The following RNF166 variants were observed in gnomAD, a reference collection of about 807,000 sequenced individuals.
RNF166 encodes the protein ring finger protein 166.
Under a neutral mutation model 29.4 loss-of-function variants are expected in RNF166, and 19 were observed. That is an observed-to-expected ratio of 0.65 (90% CI 0.45 to 0.95). The LOEUF (loss-of-function observed/expected upper bound fraction) is 0.95, where lower values mean the gene tolerates loss of function less well. RNF166 is among the 40% of genes least tolerant of loss of function. RNF166 has a pLI of 0.00. For missense variants in RNF166, 347 were observed against 322.1 expected, an observed-to-expected ratio of 1.08 and a Z score of -0.59; for synonymous variants, 171 against 134.5, an observed-to-expected ratio of 1.27 and a Z score of -1.88.
Position 88,696,867 on chromosome 16 carries a change from C to T in RNF166, c.*701G>A. Reference sequence around the variant, plus strand: ...TGGGTGGCCAGGGCAGACCCCACAGCAGACCCCATGGCTCGCCTGAGCTCT... The same window carrying T: ...TGGGTGGCCAGGGCAGACCCCACAGTAGACCCCATGGCTCGCCTGAGCTCT... On this transcript the variant is annotated 3_prime_UTR_variant, in exon 6 of 6. Transcript: ENST00000312838. 3.4e-6 allele frequency: 1 copy of T among 290,856 alleles called. No homozygotes were observed. The highest frequency in any genetic ancestry group is 6.6e-6 in the Non-Finnish European group (1 of 150,530). 18.0% of individuals were successfully genotyped at this position (290,856 alleles called of 1,614,324 possible).
intron 1 of RNF166, chr16:88,704,396 C>G (rs1168942024): frequency 1.0e-6 from 1 of 985,288 alleles, no homozygotes; most frequent in African/African-American, 1.7e-5. Flanking sequence ...GTCATTCTAC[C>G]AAGAAAAGCA....
intron 2 of RNF166, chr16:88,701,011 C>G (rs948519178): frequency 5.1e-6 from 7 of 1,368,750 alleles, no homozygotes; most frequent in Non-Finnish European, 6.6e-6. Flanking sequence ...GTTCCCCTGG[C>G]CCGGGCTAGG....
At chr16:88,704,275 G>C in intron 1 of RNF166, 1 of 985,476 alleles carries the variant, frequency 1.0e-6, no homozygotes, top group Non-Finnish European at 1.2e-6. Context: ...GAAGCAGAGA[G>C]AGAACAGCCA....
intron 1 of RNF166, chr16:88,702,802 C>T: frequency 2.0e-6 from 2 of 985,508 alleles, no homozygotes; most frequent in South Asian, 9.4e-5. Flanking sequence ...GGCGCCCCAG[C>T]AGATATTTCC....
chr16:88,702,065 GACACC>G (rs1401550306), intron 1 of RNF166, among the ~76,000 whole-genome samples: 23 of 152,076 alleles, frequency 1.5e-4, no homozygotes, highest in Non-Finnish European at 2.2e-4. Context: ...TGCCCCTGGG[GACACC>G]ACATCGTGAG....
chr16:88,701,990 GGGGTCCTGCTCCATCTGGGCGGAGGCTC>G (rs1910286091), intron 1 of RNF166, among the ~76,000 whole-genome samples: 2 of 152,240 alleles, frequency 1.3e-5, no homozygotes, highest in Admixed American at 6.5e-5. Context: ...CAGGCAGGAG[GGGGTCCTGCTCCATCTGGGCGGAGGCTC>G]GGGTCCTGGG....
chr16:88,698,338 G>A (rs781717404), intron 5 of RNF166, 164 bp downstream of exon 5: 2 of 721,932 alleles, frequency 2.8e-6, no homozygotes, highest in South Asian at 2.9e-5. Flanking sequence ...CTCCCCACCT[G>A]CAGGCAGCCC....
intron 1 of RNF166, chr16:88,702,697 G>A (rs944116735): frequency 4.9e-5 from 48 of 985,340 alleles, no homozygotes; most frequent in Non-Finnish European, 5.5e-5. Context: ...GAGAGAAAGC[G>A]GGACTCAGCT....
intron 1 of RNF166, 57 bp downstream of exon 1, chr16:88,706,114 C>A (rs1910772555): frequency 1.9e-6 from 2 of 1,080,564 alleles, no homozygotes; most frequent in Non-Finnish European, 2.2e-6. Context: ...GGCCTCGCGA[C>A]CCCTCCCGCG....
intron 2 of RNF166, among the ~76,000 whole-genome samples, chr16:88,700,264 G>A (rs1212895741): frequency 1.3e-5 from 2 of 152,176 alleles, no homozygotes; most frequent in Non-Finnish European, 2.9e-5. Flanking sequence ...GCTGGACTCC[G>A]AGGGATGCAC....
At chr16:88,705,740 G>C (rs1473682875) in intron 1 of RNF166, among the ~76,000 whole-genome samples, 7 of 152,232 alleles carry the variant, frequency 4.6e-5, no homozygotes. Context: ...GCAGACAGCG[G>C]GTCCGAACAA....
intron 4 of RNF166, 150 bp from the exon 5 acceptor site, chr16:88,698,759 G>C: frequency 1.5e-6 from 1 of 673,058 alleles, no homozygotes. Context: ...GGTGACAAGC[G>C]AGTTATTCAG....
intron 1 of RNF166, chr16:88,703,073 C>G (rs780330497): frequency 1.8e-5 from 18 of 985,586 alleles, no homozygotes; most frequent in Non-Finnish European, 2.2e-5. Context: ...ACCGGAAGGC[C>G]TGGAAAACAG....
rs1264965607 is a variant in RNF166, at chr16:88,697,041, G to C, written c.*527C>G. On this transcript the variant is annotated 3_prime_UTR_variant, in exon 6 of 6. Coordinates refer to ENST00000312838, the MANE Select transcript of RNF166 (RefSeq NM_178841.4). ...AGATATTGCAATATGAAGAGTAACT[G>C]CTCTGTCTTTGCTCTATAAAACGTG... 5.4e-6 allele frequency: 1 copy of C among 184,508 alleles called. No individual in the cohort carries two copies. Among genetic ancestry groups the C allele is most frequent in the East Asian group, 1.8e-4 (1 of 5,660 alleles). The allele number at this position is 184,508 out of a possible 1,614,324, so 11.4% of individuals were successfully genotyped here.
At chr16:88,706,050 C>G (rs1487653629) in intron 1 of RNF166, 121 bp downstream of exon 1, 2 of 581,598 alleles carry the variant, frequency 3.4e-6, no homozygotes, top group Non-Finnish European at 4.4e-6. Context: ...CCCCGAGGCC[C>G]CGGCGCCCCG....
At position 88,697,023 on chromosome 16, in the gene RNF166, G is replaced by T; in HGVS notation, c.*545C>A. 1 of 187,638 alleles carries T rather than the reference G, an allele frequency of 5.3e-6. No individual in the cohort carries two copies. Among genetic ancestry groups the T allele is most frequent in the South Asian group, 8.7e-5 (1 of 11,540 alleles). The allele number at this position is 187,638 out of a possible 1,614,324, so 11.6% of individuals were successfully genotyped here. ...TTATTCCTAGTCAAACACAGATATT[G>T]CAATATGAAGAGTAACTGCTCTGTC... On this transcript the variant is annotated 3_prime_UTR_variant, in exon 6 of 6. Coordinates refer to ENST00000312838, the MANE Select transcript of RNF166 (RefSeq NM_178841.4).
chr16:88,698,825 C>T (rs1330565101), intron 4 of RNF166, 146 bp downstream of exon 4: 22 of 709,612 alleles, frequency 3.1e-5, no homozygotes, highest in Non-Finnish European at 4.5e-5. Context: ...AGGTGCTGCT[C>T]GGGCAGCCAA....
chr16:88,702,519 T>A (rs1238934027), intron 1 of RNF166, among the ~76,000 whole-genome samples: 1 of 152,086 alleles, frequency 6.6e-6, no homozygotes, highest in Non-Finnish European at 1.5e-5. Context: ...GATTTCCACA[T>A]CCCTCAAGAA....
intron 1 of RNF166, chr16:88,704,222 A>G: frequency 4.1e-6 from 4 of 985,496 alleles, no homozygotes; most frequent in Non-Finnish European, 4.8e-6. Context: ...TTCTGTGGTC[A>G]TTTGCATGCA....
Sources: gnomAD v4.1 joint callset for allele counts (sites outside exome capture counted in the v4.1 genomes callset) on GRCh38, gnomAD v4.1.1 for gene constraint, MANE v1.5 for transcripts, NCBI Gene and HGNC (gene_info 2026-07-23, HGNC 2026-07-21) for gene names.